The following DNAH9 variants were observed in gnomAD, a reference collection of about 807,000 sequenced individuals.
DNAH9 encodes the protein DNAH9 variant protein.
DNAH9 carries 345 observed loss-of-function variants against 471.6 expected under a neutral mutation model. That is an observed-to-expected ratio of 0.73 (90% CI 0.67 to 0.80). The LOEUF (loss-of-function observed/expected upper bound fraction) is 0.80. Among genes scored for constraint, DNAH9 ranks in the 30% least tolerant of loss-of-function variants. The pLI is 0.00. For synonymous variants in DNAH9, 2,093 were observed against 2,123.6 expected (o/e 0.99, Z 0.40); for missense variants, 5,407 against 5,609.2 (o/e 0.96, Z 1.15).
At chr17:11,715,867 C>T (rs1022265750) in intron 26 of DNAH9, among the ~76,000 whole-genome samples, 1 of 152,042 alleles carries the variant, frequency 6.6e-6, no homozygotes, top group Non-Finnish European at 1.5e-5. Context: ...GTGCCTGAAA[C>T]AGCTCTACAT....
At chr17:11,846,778 A>G (rs1405756530) in intron 49 of DNAH9, among the ~76,000 whole-genome samples, 20 of 137,934 alleles carry the variant, frequency 1.4e-4, no homozygotes, top group Admixed American at 3.7e-4. Context: ...TGTGAATGGG[A>G]GTTCACTCAT....
At position 11,665,034 on chromosome 17, in the gene DNAH9, A is replaced by G. The variant is rs867032196; in HGVS notation, c.2731+66A>G. The G allele has an allele frequency of 3.0e-5, 43 of 1,444,470 alleles. No homozygotes were observed. The African/African-American group carries it at 4.7e-4, about 16-fold the overall frequency. The allele number at this position is 1,444,470 out of a possible 1,614,324, so 89.5% of individuals were successfully genotyped here. On this transcript the variant is annotated intron_variant, in intron 15 of 68. Transcript: ENST00000262442. ...TAACAACAGTAACATTTGTTGAATT[A>G]TATTGAAGAGCAGCTGAGTGCTCTG... is the stretch of plus-strand genomic sequence containing the variant.
chr17:11,780,798 C>T (rs1968638000), intron 38 of DNAH9, among the ~76,000 whole-genome samples: 1 of 152,144 alleles, frequency 6.6e-6, no homozygotes. Context: ...GTGTTCAGTC[C>T]CCATTACTGC....
Position 11,699,752 on chromosome 17 carries a change from C to G in DNAH9, c.4894C>G (p.Leu1632Val). The G allele has an allele frequency of 6.2e-7, 1 of 1,614,148 alleles. No homozygotes were observed. The highest frequency in any genetic ancestry group is 8.5e-7 in the Non-Finnish European group (1 of 1,180,000). The stretch of plus-strand genomic sequence containing the variant: ...ATAGGTTCAACGTCACCTTTCCAAA[C>G]TCTTTGACAACATGGCCAAGATGCG... ...PQQVQRHLSK[L>V]FDNMAKMRFQ... The change falls in exon 23 of 69, where the codon CTC (leucine) becomes GTC (valine). Residue 1632 changes from leucine to valine, a missense_variant. Physicochemically the swap from Leu to Val is conservative, Grantham distance 32. Transcript: ENST00000262442.
chr17:11,682,746 G>C (rs181205692), intron 19 of DNAH9, among the ~76,000 whole-genome samples: 3 of 152,242 alleles, frequency 2.0e-5, no homozygotes, highest in Admixed American at 2.0e-4. Context: ...CGAGACCTGT[G>C]AATCAGTATT....
At chr17:11,651,041 A>G in intron 12 of DNAH9, 28 bp from the exon 13 acceptor site, 3 of 1,606,296 alleles carry the variant, frequency 1.9e-6, no homozygotes, top group Non-Finnish European at 2.6e-6. Flanking sequence ...ACTGAACGAC[A>G]GACACTTGTG....
chr17:11,898,412 C>T (rs935796101), intron 59 of DNAH9, among the ~76,000 whole-genome samples: 13 of 152,316 alleles, frequency 8.5e-5, no homozygotes, highest in African/African-American at 1.7e-4. Context: ...TGAGCCGCCG[C>T]GCCTGGCCCT....
At chr17:11,789,687 T>C (rs1567803931) in intron 41 of DNAH9, among the ~76,000 whole-genome samples, 2 of 152,000 alleles carry the variant, frequency 1.3e-5, no homozygotes, top group African/African-American at 4.8e-5. Context: ...ATATTATTAA[T>C]ATTTTCTCTT....
chr17:11,772,826 C>T (rs558241082), intron 38 of DNAH9, among the ~76,000 whole-genome samples: 12 of 152,248 alleles, frequency 7.9e-5, no homozygotes, highest in South Asian at 4.1e-4. Context: ...GGGAGTCAGC[C>T]GAAGCCCAGA....
chr17:11,937,561 A>G lies in DNAH9; in HGVS notation c.12660+39A>G. On this transcript the variant is annotated intron_variant, in intron 66 of 68. Coordinates refer to ENST00000262442, the MANE Select transcript of DNAH9 (RefSeq NM_001372.4). This position sits in a 1 kb window ranked among gnomAD's most constrained non-coding sequence, Gnocchi z 4.1. ...GGACTGCCTGAGGTCGTTCTGGGGG[A>G]CCCCGAGGATCATAGATGCACACCT... is the stretch of plus-strand genomic sequence containing the variant. 3 of 1,568,168 alleles carry G rather than the reference A, an allele frequency of 1.9e-6. No homozygotes were observed. In the South Asian group the frequency reaches 3.5e-5, roughly 18 times the overall value.
chr17:11,598,741 GGCAA>G lies in DNAH9; in HGVS notation c.244_247del (p.Ala82TyrfsTer51), dbSNP rs1365193994. On this transcript the variant is annotated frameshift_variant, in exon 1 of 69. Coordinates refer to ENST00000262442, the MANE Select transcript of DNAH9 (RefSeq NM_001372.4). LOFTEE classifies it high-confidence loss of function. ...TGGTGCGGCCCGGGCCCAGGGGCCT[GGCAA>G]TACGCCCCGGGCTGGAGGTGGGACC... The G allele has an allele frequency of 7.1e-7, 1 of 1,413,472 alleles. No homozygotes were observed. Among genetic ancestry groups the G allele is most frequent in the Non-Finnish European group, 9.2e-7 (1 of 1,091,210 alleles). 87.6% of individuals were successfully genotyped at this position (1,413,472 alleles called of 1,614,324 possible).
chr17:11,891,856 TAG>T lies in DNAH9; in HGVS notation c.11194_11195del (p.Asp3732GlnfsTer16). The T allele has an allele frequency of 6.2e-7, 1 of 1,614,106 alleles. No individual in the cohort carries two copies. Among genetic ancestry groups the T allele is most frequent in the Non-Finnish European group, 8.5e-7 (1 of 1,180,006 alleles). On this transcript the variant is annotated frameshift_variant, in exon 58 of 69. Transcript: ENST00000262442. LOFTEE classifies it high-confidence loss of function. ...CTCAGGGAGCGGGTGGCCAACCTAA[TAG>T]ACAGCATAACCTTCTCTGTGTACCA...
At chr17:11,697,392 G>A (rs1451313347) in intron 22 of DNAH9, among the ~76,000 whole-genome samples, 3 of 152,042 alleles carry the variant, frequency 2.0e-5, no homozygotes, top group Non-Finnish European at 4.4e-5. Context: ...GAAGTCATCT[G>A]AGGCCTGCCT....
At chr17:11,897,052 G>A (rs1012459382) in intron 59 of DNAH9, among the ~76,000 whole-genome samples, 5 of 152,106 alleles carry the variant, frequency 3.3e-5, no homozygotes, top group Admixed American at 1.3e-4. Flanking sequence ...ATCACTTTGC[G>A]CTCCAGCCTG....
At position 11,664,974 on chromosome 17, in the gene DNAH9, T is replaced by G. The variant is rs770080215; in HGVS notation, c.2731+6T>G. 2 of 1,610,746 alleles carry G rather than the reference T, an allele frequency of 1.2e-6. No individual in the cohort carries two copies. Among genetic ancestry groups the G allele is most frequent in the Non-Finnish European group, 1.7e-6 (2 of 1,178,138 alleles). On this transcript the variant is annotated splice_donor_region_variant and intron_variant, in intron 15 of 68. Coordinates refer to ENST00000262442, the MANE Select transcript of DNAH9 (RefSeq NM_001372.4). ...GTATCTTCTGGAAAATACTGGTACT[T>G]ACTGGCTTATGGATGTGGGTTATTA...
At chr17:11,836,214 C>G (rs946792946) in intron 49 of DNAH9, among the ~76,000 whole-genome samples, 18 of 152,110 alleles carry the variant, frequency 1.2e-4, no homozygotes, top group African/African-American at 3.9e-4. Context: ...GTTGAAAAGT[C>G]AAAAAAGCTA....
chr17:11,962,263 C>A lies in DNAH9; in HGVS notation c.13233+7C>A. The A allele has an allele frequency of 1.3e-6, 2 of 1,582,970 alleles. No homozygotes were observed. Among genetic ancestry groups the A allele is most frequent in the South Asian group, 1.1e-5 (1 of 87,816 alleles). ...TGCCTGCTGGGACACACAGGTAAAGCTTGGAATGAACCAAAGGGCAGCTTT... is the reference window on the plus strand; with the variant it reads ...TGCCTGCTGGGACACACAGGTAAAGATTGGAATGAACCAAAGGGCAGCTTT... On this transcript the variant is annotated splice_region_variant and intron_variant, in intron 68 of 68. Transcript: ENST00000262442. The surrounding 1 kb of genome is among the most constrained non-coding windows in gnomAD (Gnocchi z 4.1).
chr17:11,733,787 G>A (rs2075303994), intron 28 of DNAH9, among the ~76,000 whole-genome samples: 1 of 150,734 alleles, frequency 6.6e-6, no homozygotes, highest in South Asian at 2.1e-4. Flanking sequence ...TGTGAACCCG[G>A]GAGGTGGAGC....
rs548591743 is a variant in DNAH9 at position 11,601,028 on chromosome 17, A to G, written c.417+2113A>G. On this transcript the variant is annotated intron_variant, in intron 1 of 68. Coordinates refer to ENST00000262442, the MANE Select transcript of DNAH9 (RefSeq NM_001372.4). Reference sequence around the variant, plus strand: ...TCTGTTCCTATGAACCTGACTCATCATATAAGTGGAATCATGCAGTATTTG... The same window carrying G: ...TCTGTTCCTATGAACCTGACTCATCGTATAAGTGGAATCATGCAGTATTTG... Among the ~76,000 whole-genome samples the G allele has an allele frequency of 4.6e-5, 7 of 152,312 alleles. No homozygotes were observed. The East Asian group carries it at 1.4e-3, about 29-fold the overall frequency.
Sources: allele counts gnomAD v4.1 joint callset (sites outside exome capture counted in the v4.1 genomes callset), GRCh38; gene constraint gnomAD v4.1.1; non-coding constraint Gnocchi (gnomAD v3.1); transcripts MANE v1.5; gene names NCBI Gene and HGNC (gene_info 2026-07-23, HGNC 2026-07-21).